CDIN1: variants seen among roughly 807,000 people sequenced by gnomAD.
The protein encoded by CDIN1 is CDAN1 interacting nuclease 1.
In CDIN1, 33 loss-of-function variants were observed where a neutral mutation model predicts 45.3. The ratio of observed to expected loss-of-function variants is 0.73; its 90% CI spans 0.55 to 0.97. CDIN1 has a LOEUF of 0.97. Ranked by LOEUF, CDIN1 falls within the 50% of genes least tolerant of loss-of-function variation. CDIN1 has a pLI of 0.00. For missense variants in CDIN1, 303 were observed against 339.4 expected (o/e 0.89, Z 0.84); for synonymous variants, 118 against 124.4 (o/e 0.95, Z 0.34).
At chr15:36,615,652 C>T (rs767045181) in intron 1 of CDIN1, among the ~76,000 whole-genome samples, 1 of 152,170 alleles carries the variant, frequency 6.6e-6, no homozygotes, top group Non-Finnish European at 1.5e-5. Context: ...TTCATGAACT[C>T]CTAGCCCAAA....
chr15:36,748,784 T>C (rs538712160), intron 10 of CDIN1, among the ~76,000 whole-genome samples: 1 of 152,274 alleles, frequency 6.6e-6, no homozygotes, highest in African/African-American at 2.4e-5. Flanking sequence ...GGGTCAGTTT[T>C]TTAAAAACAT....
In CDIN1 at chr15:36,703,380, A is replaced by G. The variant is rs1343763645; in HGVS notation, c.545-5843A>G. The stretch of plus-strand genomic sequence containing the variant: ...TATCAGATAGATCTATCATATATAT[A>G]TATATCAGATATATATATATATGAT... On this transcript the variant is annotated intron_variant, in intron 8 of 10. Transcript: ENST00000566621. Among the ~76,000 whole-genome samples, 5 of 16,338 alleles carry G rather than the reference A, an allele frequency of 3.1e-4. 1 individual carries two copies. Among genetic ancestry groups the G allele is most frequent in the Non-Finnish European group, 5.3e-4 (5 of 9,520 alleles). 10.7% of individuals were successfully genotyped at this position (16,338 alleles called of 152,430 possible).
chr15:36,678,156 C>T (rs1056579762), intron 5 of CDIN1, among the ~76,000 whole-genome samples: 2 of 152,206 alleles, frequency 1.3e-5, no homozygotes, highest in African/African-American at 4.8e-5. Context: ...CAAATGAGAT[C>T]AAACTGCTTT....
At chr15:36,583,332 A>T (rs370075072) in intron 1 of CDIN1, among the ~76,000 whole-genome samples, 1 of 152,006 alleles carries the variant, frequency 6.6e-6, no homozygotes, top group Non-Finnish European at 1.5e-5. Flanking sequence ...ATGTAGCTTA[A>T]TTTTTTCTCC....
At chr15:36,807,072 A>C (rs923396792) in intron 10 of CDIN1, among the ~76,000 whole-genome samples, 1 of 152,216 alleles carries the variant, frequency 6.6e-6, no homozygotes, top group Admixed American at 6.5e-5. Flanking sequence ...GTACCTGCAC[A>C]GAGGGGAATC....
chr15:36,683,983 A>C (rs937759225), intron 5 of CDIN1, among the ~76,000 whole-genome samples: 3 of 139,474 alleles, frequency 2.2e-5, no homozygotes, highest in Non-Finnish European at 3.1e-5. Context: ...GGCTGAGACA[A>C]TGGAGTTTTC....
chr15:36,589,527 A>T (rs1000612601), intron 1 of CDIN1, among the ~76,000 whole-genome samples: 2 of 148,484 alleles, frequency 1.3e-5, no homozygotes, highest in East Asian at 3.9e-4. Context: ...TTTTTTTGAG[A>T]CGGAGTCTTG....
chr15:36,621,872 G>GTTTTTTT lies in CDIN1; in HGVS notation c.102-22399_102-22393dup, dbSNP rs553981750. Among the ~76,000 whole-genome samples the GTTTTTTT allele has an allele frequency of 6.5e-3, 921 of 142,382 alleles. 13 individuals carry two copies. Among genetic ancestry groups the GTTTTTTT allele is most frequent in the African/African-American group, 0.021 (815 of 38,526 alleles). 93.4% of individuals were successfully genotyped at this position (142,382 alleles called of 152,430 possible). A position where few individuals can be genotyped will look rare whatever the true frequency, so the allele number is the denominator to read the frequency against. The stretch of plus-strand genomic sequence containing the variant: ...GTTGTTTGACCTGACAACAAGTTCA[G>GTTTTTTT]TTTTTTTTTTTTTCCTCCAAGGGCT... On this transcript the variant is annotated intron_variant, in intron 1 of 10. Transcript: ENST00000566621.
intron 10 of CDIN1, among the ~76,000 whole-genome samples, chr15:36,728,388 T>G (rs2043716465): frequency 6.6e-6 from 1 of 152,108 alleles, no homozygotes; most frequent in African/African-American, 2.4e-5. Flanking sequence ...TTTGTGGGTC[T>G]GACGGGTTAC....
intron 4 of CDIN1, 42 bp from the exon 5 acceptor site, chr15:36,657,791 C>T (rs1384699346): frequency 6.6e-7 from 1 of 1,520,658 alleles, no homozygotes; most frequent in Middle Eastern, 1.7e-4. Flanking sequence ...CCACTGCTCG[C>T]ACAACTTGAT....
chr15:36,583,898 C>G (rs1158233053), intron 1 of CDIN1, among the ~76,000 whole-genome samples: 1 of 152,018 alleles, frequency 6.6e-6, no homozygotes, highest in African/African-American at 2.4e-5. Flanking sequence ...CGCCTGTAGT[C>G]CCAGCTACTC....
intron 1 of CDIN1, chr15:36,641,512 A>G (rs1309654731): frequency 2.0e-5 from 3 of 152,350 alleles, no homozygotes; most frequent in Non-Finnish European, 4.4e-5. Flanking sequence ...AAGCTGGGAG[A>G]TAGCATGGGA....
chr15:36,682,782 A>G (rs1031385311), intron 5 of CDIN1, among the ~76,000 whole-genome samples: 7 of 151,658 alleles, frequency 4.6e-5, no homozygotes, highest in African/African-American at 7.3e-5. Flanking sequence ...AAAAAAAAAA[A>G]AAAAGAAAAA....
chr15:36,680,617 T>A (rs898977655), intron 5 of CDIN1, among the ~76,000 whole-genome samples: 2 of 152,138 alleles, frequency 1.3e-5, no homozygotes, highest in East Asian at 3.8e-4. Context: ...CACGAGGGGC[T>A]GGGCTTGGGT....
intron 1 of CDIN1, among the ~76,000 whole-genome samples, chr15:36,603,586 G>T (rs1056339733): frequency 1.4e-4 from 22 of 152,144 alleles, no homozygotes; most frequent in African/African-American, 5.1e-4. Flanking sequence ...GAAATAGGAT[G>T]AAACTTATTT....
chr15:36,644,593 G>A (rs936980262), intron 2 of CDIN1, among the ~76,000 whole-genome samples: 6 of 152,124 alleles, frequency 3.9e-5, no homozygotes, highest in African/African-American at 1.4e-4. Context: ...CCTGTGTTGC[G>A]TGGTTCCATG....
chr15:36,691,429 C>A (rs1197540206), intron 5 of CDIN1, among the ~76,000 whole-genome samples: 3 of 151,168 alleles, frequency 2.0e-5, no homozygotes, highest in Non-Finnish European at 4.4e-5. Context: ...ACAAAAGAGA[C>A]ATATGCTTTA....
At chr15:36,795,900 G>A (rs2054782150) in intron 10 of CDIN1, among the ~76,000 whole-genome samples, 1 of 152,010 alleles carries the variant, frequency 6.6e-6, no homozygotes, top group Admixed American at 6.6e-5. Flanking sequence ...AAATGACCAT[G>A]TGAAATGGTT....
At chr15:36,691,048 G>T in intron 5 of CDIN1, 1 of 392,596 alleles carries the variant, frequency 2.5e-6, no homozygotes, top group South Asian at 2.1e-5. Context: ...TGGAAAACTT[G>T]TGTGTGTGTG....
Sources: gnomAD v4.1 joint callset for allele counts (sites outside exome capture counted in the v4.1 genomes callset) on GRCh38, gnomAD v4.1.1 for gene constraint, MANE v1.5 for transcripts, NCBI Gene and HGNC (gene_info 2026-07-23, HGNC 2026-07-21) for gene names.